Variants in ZNF175 observed in about 807,000 individuals in gnomAD.
ZNF175 encodes zinc finger protein OTK18.
ZNF175 carries 8 observed loss-of-function variants against 14.0 expected under a neutral mutation model. The ratio of observed to expected loss-of-function variants is 0.57; its 90% CI spans 0.34 to 1.03. ZNF175 has a LOEUF of 1.03. Ranked by LOEUF, ZNF175 falls within the 50% of genes least tolerant of loss-of-function variation. ZNF175 has a pLI of 0.03. For synonymous variants in ZNF175, 255 were observed against 296.8 expected (o/e 0.86, Z 1.45); for missense variants, 764 against 849.5 (o/e 0.90, Z 1.25).
At position 51,587,666 on chromosome 19, in the gene ZNF175, G is replaced by A; in HGVS notation, c.1335G>A (p.Lys445=). ...SLHQRIHSGQ[K]SYVCIECGQA... Reference sequence around the variant, plus strand: ...ACCAGAGAATCCACTCAGGGCAGAAGTCCTATGTGTGTATCGAATGCGGGC... The same window carrying A: ...ACCAGAGAATCCACTCAGGGCAGAAATCCTATGTGTGTATCGAATGCGGGC... Residue 445 remains lysine, a synonymous_variant, in exon 5 of 5, where the codon AAG becomes AAA. Transcript: ENST00000262259. 9 of 1,614,018 alleles carry A rather than the reference G, an allele frequency of 5.6e-6. No homozygotes were observed. The highest frequency in any genetic ancestry group is 7.6e-6 in the Non-Finnish European group (9 of 1,180,002).
In ZNF175 at chr19:51,572,350, T is replaced by C. The variant is rs551376767; in HGVS notation, c.-180-800T>C. On this transcript the variant is annotated intron_variant, in intron 1 of 4. Coordinates refer to ENST00000262259, the MANE Select transcript of ZNF175 (RefSeq NM_007147.4). The stretch of plus-strand genomic sequence containing the variant: ...ATTCAGGTGCGGTGGGGGCAACTTA[T>C]TGTGGACAGGCAAGAAATGGTAACT... Among the ~76,000 whole-genome samples the C allele has an allele frequency of 3.9e-5, 6 of 152,252 alleles. No individual in the cohort carries two copies. In the East Asian group the frequency reaches 7.7e-4, roughly 20 times the overall value.
At position 51,587,678 on chromosome 19, in the gene ZNF175, T is replaced by C. The variant is rs1982214633; in HGVS notation, c.1347T>C (p.Cys449=). ...ACTCAGGGCAGAAGTCCTATGTGTGTATCGAATGCGGGCAGGCCTTCATCC... is the reference window on the plus strand; with the variant it reads ...ACTCAGGGCAGAAGTCCTATGTGTGCATCGAATGCGGGCAGGCCTTCATCC... The part of the protein sequence containing the change: ...RIHSGQKSYV[C]IECGQAFIQK... The change falls in exon 5 of 5, where the codon TGT becomes TGC. Residue 449 remains cysteine (C), a synonymous_variant. Coordinates refer to ENST00000262259, the MANE Select transcript of ZNF175 (RefSeq NM_007147.4). 2 of 1,613,570 alleles carry C rather than the reference T, an allele frequency of 1.2e-6. No individual in the cohort carries two copies. Among genetic ancestry groups the C allele is most frequent in the African/African-American group, 2.7e-5 (2 of 74,738 alleles).
intron 2 of ZNF175, among the ~76,000 whole-genome samples, chr19:51,579,690 T>G (rs1002448928): frequency 6.6e-6 from 1 of 152,068 alleles, no homozygotes; most frequent in Non-Finnish European, 1.5e-5. Context: ...ATTTGGAAAA[T>G]GATTTCTAAT....
chr19:51,588,008 C>A lies in ZNF175; in HGVS notation c.1677C>A (p.Tyr559Ter). The A allele has an allele frequency of 1.2e-6, 2 of 1,613,518 alleles. No homozygotes were observed. Among genetic ancestry groups the A allele is most frequent in the Non-Finnish European group, 1.7e-6 (2 of 1,179,828 alleles). ...HQRIHTGEKPYKCSECGKAFT... is the reference protein window; with the variant it reads ...HQRIHTGEKP ...GAATTCACACCGGAGAGAAGCCTTA[C>A]AAATGCAGTGAATGTGGGAAAGCCT... The change falls in exon 5 of 5, where the codon TAC (tyrosine) becomes TAA (stop). Residue 559 changes from tyrosine (Y) to a stop codon, truncating the protein, a stop_gained. Transcript: ENST00000262259. LOFTEE classifies it low-confidence loss of function (END_TRUNC).
In ZNF175 at chr19:51,589,639, T is replaced by C; in HGVS notation, c.*1172T>C. The C allele has an allele frequency of 1.4e-6, 1 of 695,478 alleles. No individual in the cohort carries two copies. Among genetic ancestry groups the C allele is most frequent in the Non-Finnish European group, 2.6e-6 (1 of 382,796 alleles). 43.1% of individuals were successfully genotyped at this position (695,478 alleles called of 1,614,324 possible). ...CAACCATTAGTCTCGTTCATATTTT[T>C]ACACCAGGAGTCAACAAACTGTGGC... On this transcript the variant is annotated 3_prime_UTR_variant, in exon 5 of 5. Coordinates refer to ENST00000262259, the MANE Select transcript of ZNF175 (RefSeq NM_007147.4).
At chr19:51,572,218 T>G (rs1307115690) in intron 1 of ZNF175, among the ~76,000 whole-genome samples, 1 of 152,204 alleles carries the variant, frequency 6.6e-6, no homozygotes, top group Non-Finnish European at 1.5e-5. Flanking sequence ...AGTAAAGATT[T>G]CAGAAGCCTG....
At chr19:51,577,809 G>GC (rs1474891863) in intron 2 of ZNF175, among the ~76,000 whole-genome samples, 6 of 151,532 alleles carry the variant, frequency 4.0e-5, no homozygotes, top group Admixed American at 3.3e-4. Context: ...GACTAAAGGC[G>GC]CCCGCCACCA....
chr19:51,578,255 C>A (rs1981875560), intron 2 of ZNF175, among the ~76,000 whole-genome samples: 1 of 151,602 alleles, frequency 6.6e-6, no homozygotes, highest in Non-Finnish European at 1.5e-5. Context: ...AAAAAATTAG[C>A]CAGGCATGGT....
intron 2 of ZNF175, among the ~76,000 whole-genome samples, chr19:51,575,698 C>T (rs1202905163): frequency 6.6e-6 from 1 of 152,112 alleles, no homozygotes; most frequent in Non-Finnish European, 1.5e-5. Context: ...ACATTTTTAG[C>T]TAATTATTTT....
chr19:51,585,779 A>C (rs1982146747), intron 4 of ZNF175, among the ~76,000 whole-genome samples: 1 of 152,224 alleles, frequency 6.6e-6, no homozygotes, highest in African/African-American at 2.4e-5. Flanking sequence ...ACAAAAAACT[A>C]AACTAAAAAA....
chr19:51,589,760 T>C lies in ZNF175; in HGVS notation c.*1293T>C, dbSNP rs1437120259. 1.7e-6 allele frequency: 1 copy of C among 586,136 alleles called. No homozygotes were observed. Among genetic ancestry groups the C allele is most frequent in the Admixed American group, 3.2e-5 (1 of 30,812 alleles). 36.3% of individuals were successfully genotyped at this position (586,136 alleles called of 1,614,324 possible). ...TGGACATGTATTGTCTGGGCTTCTT[T>C]TGTGCTGCACTGGCAGAATTGAGTA... On this transcript the variant is annotated 3_prime_UTR_variant, in exon 5 of 5. Coordinates refer to ENST00000262259, the MANE Select transcript of ZNF175 (RefSeq NM_007147.4).
In ZNF175 at chr19:51,586,634, GT is replaced by G; in HGVS notation, c.306del (p.Phe102LeufsTer21). The G allele has an allele frequency of 1.3e-6, 2 of 1,589,020 alleles. No individual in the cohort carries two copies. The highest frequency in any genetic ancestry group is 1.7e-6 in the Non-Finnish European group (2 of 1,168,984). On this transcript the variant is annotated frameshift_variant, in exon 5 of 5. Transcript: ENST00000262259. LOFTEE classifies it low-confidence loss of function (END_TRUNC). ...TTCTCTTTCTCCTTTTAGAAAGGGAGTTTGGGCTTGAAATCCCACAAAAGGA... is the reference window on the plus strand; with the variant it reads ...TTCTCTTTCTCCTTTTAGAAAGGGAGTTGGGCTTGAAATCCCACAAAAGGA... ...VSHQRCQERE[F>X]GLEIPQKEIS...
Position 51,588,354 on chromosome 19 carries a change from G to C in ZNF175, c.2023G>C (p.Glu675Gln), listed in dbSNP as rs769376804. The C allele has an allele frequency of 3.7e-6, 6 of 1,614,032 alleles. No homozygotes were observed. The highest frequency in any genetic ancestry group is 3.3e-5 in the South Asian group (3 of 91,020). The change falls in exon 5 of 5, where the codon GAA becomes CAA. Residue 675 changes from glutamate to glutamine, a missense_variant. By Grantham distance (29) the Glu-to-Gln change is conservative. Coordinates refer to ENST00000262259, the MANE Select transcript of ZNF175 (RefSeq NM_007147.4). ...GGGAGAAAGACCTTATGTGTGTTCT[G>C]AATGTGGAAAGGCCTTCAACAACAG... ...HTGERPYVCS[E>Q]CGKAFNNRSN...
At chr19:51,574,318 A>G (rs1981698956) in intron 2 of ZNF175, 1 of 152,254 alleles carries the variant, frequency 6.6e-6, no homozygotes, top group Non-Finnish European at 1.5e-5. Context: ...CACAAAATAA[A>G]TTGCACATAT....
chr19:51,588,147 C>G lies in ZNF175; in HGVS notation c.1816C>G (p.Gln606Glu), dbSNP rs764661866. The G allele has an allele frequency of 7.4e-6, 12 of 1,613,982 alleles. No individual in the cohort carries two copies. In the East Asian group the frequency reaches 2.5e-4, roughly 33 times the overall value. Residue 606 changes from glutamine to glutamate, a missense_variant, in exon 5 of 5, where the codon CAA becomes GAA. Transcript: ENST00000262259. Reference protein sequence around the residue: ...FNGRSNFHKHQITHTRERPFV... With the variant: ...FNGRSNFHKHEITHTRERPFV... ...CGGCAGGTCAAATTTCCATAAACAT[C>G]AAATAACTCACACTAGAGAGAGGCC...
intron 4 of ZNF175, among the ~76,000 whole-genome samples, chr19:51,584,104 A>C (rs1370514915): frequency 6.6e-6 from 1 of 152,222 alleles, no homozygotes; most frequent in Non-Finnish European, 1.5e-5. Flanking sequence ...AATGGCATTA[A>C]ATGTTAAAAG....
intron 4 of ZNF175, among the ~76,000 whole-genome samples, chr19:51,583,822 T>C (rs1039129140): frequency 2.0e-5 from 3 of 152,230 alleles, no homozygotes; most frequent in African/African-American, 7.2e-5. Context: ...TGTTTTTGTA[T>C]GTTGTTTAAT....
intron 1 of ZNF175, among the ~76,000 whole-genome samples, chr19:51,572,745 A>C (rs1436823741): frequency 1.3e-5 from 2 of 152,214 alleles, no homozygotes; most frequent in Non-Finnish European, 2.9e-5. Flanking sequence ...CCTCATCCTC[A>C]AAATGGGTAT....
rs147557699 is a variant in ZNF175, at chr19:51,576,245, G to A, written c.72+2844G>A. ...GGCTCACTGCAACCTCTCCTCCTGG[G>A]TTCAAGCCATTCTCCTGCCTCACTC... On this transcript the variant is annotated intron_variant, in intron 2 of 4. Coordinates refer to ENST00000262259, the MANE Select transcript of ZNF175 (RefSeq NM_007147.4). Among the ~76,000 whole-genome samples the A allele has an allele frequency of 2.6e-3, 397 of 151,432 alleles. 16 individuals are homozygous for A. The East Asian group carries it at 0.046, about 17-fold the overall frequency.
Sources: gnomAD v4.1 joint callset for allele counts (sites outside exome capture counted in the v4.1 genomes callset) on GRCh38, gnomAD v4.1.1 for gene constraint, MANE v1.5 for transcripts, NCBI Gene and HGNC (gene_info 2026-07-23, HGNC 2026-07-21) for gene names.